The following DPPA4 variants were observed in gnomAD, a reference collection of about 807,000 sequenced individuals.
DPPA4 encodes the protein developmental pluripotency associated 4.
In DPPA4, 22 loss-of-function variants were observed where a neutral mutation model predicts 33.7. The observed-to-expected ratio is 0.65, with a 90% CI of 0.47 to 0.93. DPPA4 has a LOEUF of 0.93. Among genes scored for constraint, DPPA4 ranks in the 40% least tolerant of loss-of-function variants. The pLI is 0.00. For missense variants in DPPA4, 340 were observed against 358.6 expected (o/e 0.95, Z 0.42); for synonymous variants, 156 against 132.3 (o/e 1.18, Z -1.23).
chr3:109,337,213 T>TC (rs1208231710), intron 1 of DPPA4, among the ~76,000 whole-genome samples: 43 of 151,132 alleles, frequency 2.8e-4, no homozygotes, highest in African/African-American at 9.2e-4. Flanking sequence ...TTTTTTTTTT[T>TC]CCCCATCTTT....
chr3:109,334,087 G>A (rs7642495), intron 1 of DPPA4, 94 bp from the exon 2 acceptor site: 668,340 of 1,400,434 alleles, frequency 0.48, 163,327 homozygotes, highest in East Asian at 0.73. Context: ...AGGCACCAAC[G>A]CAGTTACTGG....
chr3:109,337,549 T>C (rs1708240677), upstream of DPPA4: 1 of 1,611,840 alleles, frequency 6.2e-7, no homozygotes, highest in Non-Finnish European at 8.5e-7. Flanking sequence ...CCAAGATTGC[T>C]ATTTGCAAAG....
rs1708046573 is a variant in DPPA4, at chr3:109,330,606, T to C, written c.597A>G (p.Pro199=). ...VNTVVVTTSA[P]EALLASWARI... ...TCGCCCAGGAGGCCAGCAAAGCCTC[T>C]GGGGCAGAAGTTGTCACCACAACTG... Residue 199 remains proline, a synonymous_variant, in exon 5 of 7, where the codon CCA becomes CCG. Coordinates refer to ENST00000335658, the MANE Select transcript of DPPA4 (RefSeq NM_018189.4). 1.2e-6 allele frequency: 2 copies of C among 1,614,134 alleles called. No homozygotes were observed. The highest frequency in any genetic ancestry group is 1.3e-5 in the African/African-American group (1 of 75,044).
At chr3:109,335,055 T>C (rs1177673537) in intron 1 of DPPA4, among the ~76,000 whole-genome samples, 1 of 152,178 alleles carries the variant, frequency 6.6e-6, no homozygotes, top group East Asian at 1.9e-4. Context: ...AAAGTGGGAG[T>C]GGGGAAAAGT....
chr3:109,329,040 T>A lies in DPPA4; in HGVS notation c.728A>T (p.Asp243Val). 1 of 1,614,042 alleles carries A rather than the reference T, an allele frequency of 6.2e-7. No homozygotes were observed. Among genetic ancestry groups the A allele is most frequent in the Non-Finnish European group, 8.5e-7 (1 of 1,180,022 alleles). ...VHGKSLPADT[D>V]GWVHLQFHAG... Reference sequence around the variant, plus strand: ...ATGAAACTGCAGGTGAACCCAACCATCTGTGTCTGCAGGGAGACTTTTCCC... The same window carrying A: ...ATGAAACTGCAGGTGAACCCAACCAACTGTGTCTGCAGGGAGACTTTTCCC... The change falls in exon 6 of 7, where the codon GAT (aspartate) becomes GTT (valine). Residue 243 changes from aspartate to valine, a missense_variant. Physicochemically the swap from Asp to Val is radical, Grantham distance 152 (BLOSUM62 -3). Coordinates refer to ENST00000335658, the MANE Select transcript of DPPA4 (RefSeq NM_018189.4).
At chr3:109,330,359 ATGC>A (rs768995366) in intron 5 of DPPA4, 162 bp downstream of exon 5, 1 of 658,786 alleles carries the variant, frequency 1.5e-6, no homozygotes, top group Non-Finnish European at 2.6e-6. Flanking sequence ...ATGCAAATAA[ATGC>A]TCAGGTCCTG....
At chr3:109,336,746 G>A (rs749960095) in intron 1 of DPPA4, among the ~76,000 whole-genome samples, 1 of 152,102 alleles carries the variant, frequency 6.6e-6, no homozygotes, top group South Asian at 2.1e-4. Context: ...GAGCAGCGGC[G>A]GGCGCCTGCA....
At chr3:109,332,057 T>C in intron 2 of DPPA4, 26 bp from the exon 3 acceptor site, 1 of 1,543,206 alleles carries the variant, frequency 6.5e-7, no homozygotes, top group East Asian at 2.3e-5. Context: ...ATCAAATGAG[T>C]AGTAATTATC....
chr3:109,330,437 T>G (rs1377621789), intron 5 of DPPA4, 87 bp downstream of exon 5: 14 of 1,515,484 alleles, frequency 9.2e-6, no homozygotes, highest in Non-Finnish European at 1.2e-5. Context: ...AAAGGGATTT[T>G]GATATACCCT....
At chr3:109,328,839 T>C (rs368119788) in intron 6 of DPPA4, 51 bp downstream of exon 6, 73 of 1,524,326 alleles carry the variant, frequency 4.8e-5, no homozygotes, top group East Asian at 1.4e-4. Flanking sequence ...CTTTCTGCAA[T>C]TGAAAATCCG....
In DPPA4 at chr3:109,327,999, G is replaced by A. The variant is rs750224632; in HGVS notation, c.904C>T (p.Gln302Ter). 7.8e-6 allele frequency: 12 copies of A among 1,544,078 alleles called. No individual in the cohort carries two copies. In the Admixed American group the frequency reaches 2.0e-4, roughly 26 times the overall value. Residue 302 changes from glutamine to a stop codon, truncating the protein, a stop_gained, in exon 7 of 7, where the codon CAA becomes TAA. Transcript: ENST00000335658. LOFTEE classifies it high-confidence loss of function. ...TTTTTCCTGATATTCTATTCCCATT[G>A]GAGGCTTTTTATTAAGACCTTGTTC... is the stretch of plus-strand genomic sequence containing the variant. ...HRNKVLIKSL[Q>*]WE
chr3:109,336,810 G>A (rs554533202), intron 1 of DPPA4, among the ~76,000 whole-genome samples: 44 of 152,300 alleles, frequency 2.9e-4, no homozygotes, highest in African/African-American at 9.1e-4. Context: ...AGCCTGGGCG[G>A]TTACAGTGAA....
In DPPA4 at chr3:109,333,980, T is replaced by C; in HGVS notation, c.68A>G (p.Glu23Gly). 1 of 1,614,174 alleles carries C rather than the reference T, an allele frequency of 6.2e-7. No individual in the cohort carries two copies. Residue 23 changes from glutamate (E) to glycine (G), a missense_variant, in exon 2 of 7, where the codon GAG (glutamate) becomes GGG (glycine). Physicochemically the swap from Glu to Gly is moderately conservative, Grantham distance 98. This residue lies in a region of DPPA4 where 96 missense variants were observed against 91.8 expected (regional missense o/e 1.05). Transcript: ENST00000335658. ...CTGCTGATCCTCTTCCCTCGACTTC[T>C]CTGTGGAGGTCCACTGGGGAACAGA... is the stretch of plus-strand genomic sequence containing the variant. ...KAKGKEWTST[E>G]KSREEDQQAS... is the part of the protein sequence containing the mutation.
At chr3:109,332,476 T>C (rs1239120235) in intron 2 of DPPA4, among the ~76,000 whole-genome samples, 1 of 152,168 alleles carries the variant, frequency 6.6e-6, no homozygotes. Flanking sequence ...GTTTTATTCC[T>C]AAATTGCCCC....
At chr3:109,334,774 C>A (rs1708157144) in intron 1 of DPPA4, among the ~76,000 whole-genome samples, 1 of 152,160 alleles carries the variant, frequency 6.6e-6, no homozygotes. Context: ...CAAGCTCCAG[C>A]CACATAATTC....
In DPPA4 at chr3:109,330,672, A is replaced by T. The variant is rs181240950; in HGVS notation, c.531T>A (p.Pro177=). 12 of 1,614,194 alleles carry T rather than the reference A, an allele frequency of 7.4e-6. No individual in the cohort carries two copies. In the East Asian group the frequency reaches 2.7e-4, roughly 36 times the overall value. ...EVALPPVGEP[P]ALENSTALLE... is the part of the protein sequence containing the mutation. ...GGAGAGCAGTGGAATTTTCCAGGGCAGGCGGCTCCCCCACAGGAGGAAGAG... is the reference window on the plus strand; with the variant it reads ...GGAGAGCAGTGGAATTTTCCAGGGCTGGCGGCTCCCCCACAGGAGGAAGAG... The change falls in exon 5 of 7, where the codon CCT becomes CCA. Residue 177 remains proline (P), a synonymous_variant. Coordinates refer to ENST00000335658, the MANE Select transcript of DPPA4 (RefSeq NM_018189.4).
At chr3:109,329,208 T>C (rs1032033822) in intron 5 of DPPA4, 120 bp from the exon 6 acceptor site, 9 of 826,146 alleles carry the variant, frequency 1.1e-5, no homozygotes, top group African/African-American at 1.0e-4. Context: ...CCTGAAATCC[T>C]AACTTAACCT....
chr3:109,327,911 G>A lies in DPPA4; in HGVS notation c.*77C>T. On this transcript the variant is annotated 3_prime_UTR_variant, in exon 7 of 7. Transcript: ENST00000335658. ...AGGTGCAGAGGACCAGAGTTCACCTGTCAGCAGCACCGCAGAATCCAACTC... is the reference window on the plus strand; with the variant it reads ...AGGTGCAGAGGACCAGAGTTCACCTATCAGCAGCACCGCAGAATCCAACTC... The A allele has an allele frequency of 2.8e-6, 3 of 1,074,902 alleles. No homozygotes were observed. The highest frequency in any genetic ancestry group is 1.3e-5 in the South Asian group (1 of 78,098). 66.6% of individuals were successfully genotyped at this position (1,074,902 alleles called of 1,614,324 possible).
In DPPA4 at chr3:109,326,632, T is replaced by C. The variant is rs1472077238; in HGVS notation, c.*1356A>G. ...GTAATAACAAAACAATGTTGGAAAC[T>C]GTCATTAAATCAGGATAAGTGAAAA... On this transcript the variant is annotated 3_prime_UTR_variant, in exon 7 of 7. Coordinates refer to ENST00000335658, the MANE Select transcript of DPPA4 (RefSeq NM_018189.4). The C allele has an allele frequency of 6.6e-6, 1 of 152,098 alleles. No individual in the cohort carries two copies. The highest frequency in any genetic ancestry group is 1.5e-5 in the Non-Finnish European group (1 of 68,018). 9.4% of individuals were successfully genotyped at this position (152,098 alleles called of 1,614,324 possible).
Sources: gnomAD v4.1 joint callset for allele counts (sites outside exome capture counted in the v4.1 genomes callset) on GRCh38, gnomAD v4.1.1 for gene constraint, gnomAD v4.1.1 regional missense constraint, MANE v1.5 for transcripts, NCBI Gene and HGNC (gene_info 2026-07-23, HGNC 2026-07-21) for gene names.